The following CLPTM1 variants were observed in gnomAD, a reference collection of about 807,000 sequenced individuals.
CLPTM1 encodes putative lipid scramblase CLPTM1.
A neutral mutation model predicts 77.3 loss-of-function variants in CLPTM1; 21 were observed. The ratio of observed to expected loss-of-function variants is 0.27; its 90% confidence interval spans 0.19 to 0.39. The LOEUF is 0.39. Among genes scored for constraint, CLPTM1 ranks in the 10% least tolerant of loss-of-function variants. The probability of loss-of-function intolerance (pLI) is 1.00; values close to 1 mark genes in which losing one functional copy is unlikely to be tolerated. For missense variants in CLPTM1, 642 were observed against 921.2 expected (o/e 0.70, Z 3.92); for synonymous variants, 373 against 381.0 (o/e 0.98, Z 0.24).
In CLPTM1 at chr19:44,979,744, C is replaced by T. The variant is rs1176235308; in HGVS notation, c.586+2284C>T. On this transcript the variant is annotated intron_variant, in intron 5 of 13. Transcript: ENST00000337392. ...GCGTTGGTATGTCCCACCCGGCTGA[C>T]GTCCATGTGGTGAGATCTTTGGAGA... Among the ~76,000 whole-genome samples, 4 of 152,086 alleles carry T rather than the reference C, an allele frequency of 2.6e-5. No individual in the cohort carries two copies. In the South Asian group the frequency reaches 6.2e-4, roughly 24 times the overall value.
intron 7 of CLPTM1, 152 bp from the exon 8 acceptor site, chr19:44,987,027 A>T (rs204469): frequency 3.9e-6 from 4 of 1,016,940 alleles, no homozygotes; most frequent in Non-Finnish European, 4.3e-6. Flanking sequence ...AGGTCAAGGC[A>T]CCCTTTAGCT....
chr19:44,991,036 C>T lies in CLPTM1; in HGVS notation c.1419+91C>T, dbSNP rs1217593666. ...GGGGCCGGCCATCTGTCTGCCGGAC[C>T]CATGCTTTACAGCCTGTGCCACATC... On this transcript the variant is annotated intron_variant, in intron 11 of 13. Transcript: ENST00000337392. The surrounding 1 kb of genome is among the most constrained non-coding windows in gnomAD (Gnocchi z 5.4). 5 of 1,322,548 alleles carry T rather than the reference C, an allele frequency of 3.8e-6. No homozygotes were observed. Among genetic ancestry groups the T allele is most frequent in the South Asian group, 2.4e-5 (2 of 81,750 alleles). The allele number at this position is 1,322,548 out of a possible 1,614,324, so 81.9% of individuals were successfully genotyped here.
chr19:44,985,187 C>CG, intron 5 of CLPTM1, 31 bp from the exon 6 acceptor site: 2 of 1,576,966 alleles, frequency 1.3e-6, no homozygotes, highest in South Asian at 2.2e-5. Flanking sequence ...GCAGGTCTCA[C>CG]GTCCCCTCCT....
At chr19:44,985,785 C>CT in intron 6 of CLPTM1, among the ~76,000 whole-genome samples, 1 of 151,694 alleles carries the variant, frequency 6.6e-6, no homozygotes, top group South Asian at 2.1e-4. Context: ...CACTAAGAGA[C>CT]TTCCTCTCTC....
chr19:44,976,748 G>A (rs1289429494), intron 4 of CLPTM1, among the ~76,000 whole-genome samples: 3 of 152,144 alleles, frequency 2.0e-5, no homozygotes, highest in Non-Finnish European at 2.9e-5. Flanking sequence ...GTAGCAGGGA[G>A]TAGCACCCAG....
In CLPTM1 at chr19:44,973,197, A is replaced by G. The variant is rs1462645105; in HGVS notation, c.296A>G (p.Lys99Arg). Residue 99 changes from lysine to arginine, a missense_variant, in exon 3 of 14, where the codon AAA (lysine) becomes AGA (arginine). Around this residue, in one of 2 missense-constraint regions of CLPTM1, gnomAD observed 521 missense variants for 800.4 expected, o/e 0.65. Coordinates refer to ENST00000337392, the MANE Select transcript of CLPTM1 (RefSeq NM_001294.4). The stretch of plus-strand genomic sequence containing the variant: ...GTCGCCAGCCGCAACCTGTTCCCCA[A>G]AGACACTTTAATGGTAACTGCCGGG... ...PRVASRNLFPKDTLMNLHVYI... is the reference protein window; with the variant it reads ...PRVASRNLFPRDTLMNLHVYI... The G allele has an allele frequency of 3.7e-6, 6 of 1,614,008 alleles. No homozygotes were observed. Among genetic ancestry groups the G allele is most frequent in the East Asian group, 2.2e-5 (1 of 44,872 alleles).
In CLPTM1 at chr19:44,992,278, A is replaced by G; in HGVS notation, c.1601A>G (p.Lys534Arg). 6.2e-7 allele frequency: 1 copy of G among 1,614,050 alleles called. No homozygotes were observed. The change falls in exon 13 of 14, where the codon AAG (lysine) becomes AGG (arginine). Residue 534 changes from lysine (K) to arginine (R), a missense_variant. Physicochemically the swap from Lys to Arg is conservative, Grantham distance 26 (BLOSUM62 2). This residue lies in a region of CLPTM1 where 521 missense variants were observed against 800.4 expected (regional missense o/e 0.65). Transcript: ENST00000337392. This position sits in a 1 kb window ranked among gnomAD's most constrained non-coding sequence, Gnocchi z 7.7. ...TPQLFINYKL[K>R]SVAHLPWRML... ...CAGCTCTTCATCAACTACAAGCTCA[A>G]GTCTGTGGCCCACCTTCCCTGGCGC...
chr19:44,987,137 TCCTGCCC>T, intron 7 of CLPTM1, 35 bp from the exon 8 acceptor site: 1 of 1,581,810 alleles, frequency 6.3e-7, no homozygotes, highest in South Asian at 1.2e-5. Context: ...TACCCTGGCC[TCCTGCCC>T]GGGCCAAATG....
At chr19:44,988,299 A>G in intron 9 of CLPTM1, 126 bp downstream of exon 9, 1 of 735,304 alleles carries the variant, frequency 1.4e-6, no homozygotes, top group Non-Finnish European at 2.4e-6. Flanking sequence ...CCCACTCTCC[A>G]GAGGCCTAGT....
At chr19:44,987,985 C>T in intron 8 of CLPTM1, 95 bp from the exon 9 acceptor site, 2 of 899,910 alleles carry the variant, frequency 2.2e-6, no homozygotes, top group Non-Finnish European at 3.7e-6. Flanking sequence ...CTTCAGCCTC[C>T]CTCTACAGGC....
Position 44,993,253 on chromosome 19 carries a change from G to A in CLPTM1, c.*356G>A, listed in dbSNP as rs112272018. On this transcript the variant is annotated 3_prime_UTR_variant, in exon 14 of 14. Coordinates refer to ENST00000337392, the MANE Select transcript of CLPTM1 (RefSeq NM_001294.4). ...ACGGCCGTTCATCATCTTGTCCCTC[G>A]TCCCCCTACCACACTCCCCCTCCTA... 8.5e-3 allele frequency: 4,232 copies of A among 499,060 alleles called. 28 individuals carry two copies. Among genetic ancestry groups the A allele is most frequent in the Non-Finnish European group, 0.013 (3,350 of 258,740 alleles). The allele number at this position is 499,060 out of a possible 1,614,324, so 30.9% of individuals were successfully genotyped here.
rs370598311 is a variant in CLPTM1, at chr19:44,993,214, C to A, written c.*317C>A. ...TTGGGCGGGGGTGGGGCCGGGCCCC[C>A]CTACGGGATGCCCACGGCCGTTCAT... On this transcript the variant is annotated 3_prime_UTR_variant, in exon 14 of 14. Coordinates refer to ENST00000337392, the MANE Select transcript of CLPTM1 (RefSeq NM_001294.4). 3.6e-6 allele frequency: 2 copies of A among 559,344 alleles called. No homozygotes were observed. The highest frequency in any genetic ancestry group is 4.4e-5 in the Admixed American group (2 of 45,412). The allele number at this position is 559,344 out of a possible 1,614,324, so 34.6% of individuals were successfully genotyped here.
rs13345563 is a variant in CLPTM1, at chr19:44,990,382, C to G, written c.1133-13C>G. 1,717 of 1,612,942 alleles carry G rather than the reference C, an allele frequency of 1.1e-3. 12 individuals carry two copies. The African/African-American group carries it at 0.021, about 19-fold the overall frequency. On this transcript the variant is annotated splice_polypyrimidine_tract_variant and intron_variant, in intron 9 of 13. Transcript: ENST00000337392. This position sits in a 1 kb window ranked among gnomAD's most constrained non-coding sequence, Gnocchi z 4.8. ...CCTCAGCCTCCTGGTTCCCCCCTAC[C>G]CCCTGCGCACAGATATCCAGTTCTG...
Position 44,980,846 on chromosome 19 carries a change from AT to A in CLPTM1, c.586+3395del, listed in dbSNP as rs947770300. ...TATTTCATTTTATTTATTTATTATT[AT>A]TTTTTTTTGAGATGAAGTCTTGCTC... On this transcript the variant is annotated intron_variant, in intron 5 of 13. Coordinates refer to ENST00000337392, the MANE Select transcript of CLPTM1 (RefSeq NM_001294.4). Among the ~76,000 whole-genome samples the A allele has an allele frequency of 1.0e-2, 1,494 of 150,004 alleles. 26 individuals carry two copies. Among genetic ancestry groups the A allele is most frequent in the African/African-American group, 0.034 (1,408 of 40,996 alleles).
chr19:44,988,880 TG>T (rs765764995), intron 9 of CLPTM1, among the ~76,000 whole-genome samples: 35 of 152,302 alleles, frequency 2.3e-4, no homozygotes, highest in Admixed American at 1.1e-3. Flanking sequence ...GTAGTATTCC[TG>T]GTATTAAGAT....
At chr19:44,981,769 G>A (rs1970900825) in intron 5 of CLPTM1, among the ~76,000 whole-genome samples, 1 of 151,472 alleles carries the variant, frequency 6.6e-6, no homozygotes, top group Admixed American at 6.6e-5. Flanking sequence ...AAATTAGCCA[G>A]GCATGGTGGC....
Position 44,961,999 on chromosome 19 carries a change from G to T in CLPTM1, c.109G>T (p.Ala37Ser), listed in dbSNP as rs952278058. The change falls in exon 2 of 14, where the codon GCG (alanine) becomes TCG (serine). Residue 37 changes from alanine (A) to serine (S), a missense_variant. Physicochemically the swap from Ala to Ser is moderately conservative, Grantham distance 99. Around this residue, in one of 2 missense-constraint regions of CLPTM1, gnomAD observed 121 missense variants for 120.8 expected, o/e 1.00. Transcript: ENST00000337392. The stretch of plus-strand genomic sequence containing the variant: ...TGGCAGCATCGGGAGGGACCCGCCA[G>T]CGGAGACCCAGCCTCAGAACCCACC... ...SNGSIGRDPP[A>S]ETQPQNPPAQ... 1 of 1,610,426 alleles carries T rather than the reference G, an allele frequency of 6.2e-7. No individual in the cohort carries two copies. Among genetic ancestry groups the T allele is most frequent in the Non-Finnish European group, 8.5e-7 (1 of 1,178,934 alleles).
chr19:44,991,451 C>G lies in CLPTM1; in HGVS notation c.1555+78C>G. The stretch of plus-strand genomic sequence containing the variant: ...CACAGCCCCAGTGTAGGAGACAGAC[C>G]CATCCCCAGACAGGGACAACCTAGG... On this transcript the variant is annotated intron_variant, in intron 12 of 13. Coordinates refer to ENST00000337392, the MANE Select transcript of CLPTM1 (RefSeq NM_001294.4). This position sits in a 1 kb window ranked among gnomAD's most constrained non-coding sequence, Gnocchi z 5.4. 1 of 1,547,422 alleles carries G rather than the reference C, an allele frequency of 6.5e-7. No homozygotes were observed. Among genetic ancestry groups the G allele is most frequent in the Non-Finnish European group, 8.8e-7 (1 of 1,140,220 alleles).
At chr19:44,981,855 G>T (rs192780145) in intron 5 of CLPTM1, among the ~76,000 whole-genome samples, 28 of 152,038 alleles carry the variant, frequency 1.8e-4, no homozygotes, top group Non-Finnish European at 3.7e-4. Context: ...AGGCTGCAGT[G>T]ATCACACCAC....
Sources: gnomAD v4.1 joint callset for allele counts (sites outside exome capture counted in the v4.1 genomes callset) on GRCh38, gnomAD v4.1.1 for gene constraint, gnomAD v4.1.1 regional missense constraint, Gnocchi (gnomAD v3.1) non-coding constraint, MANE v1.5 for transcripts, NCBI Gene and HGNC (gene_info 2026-07-23, HGNC 2026-07-21) for gene names.